The following ASXL3 variants were observed in gnomAD, a reference collection of about 807,000 sequenced individuals.
ASXL3 encodes putative Polycomb group protein ASXL3.
ASXL3 carries 34 observed loss-of-function variants against 170.6 expected under a neutral mutation model. The observed-to-expected ratio is 0.20, with a 90% CI of 0.15 to 0.27. ASXL3 has a LOEUF of 0.27. Among genes scored for constraint, ASXL3 ranks in the 10% least tolerant of loss-of-function variants. ASXL3 has a pLI of 1.00. For synonymous variants in ASXL3, 1,002 were observed against 989.1 expected, an observed-to-expected ratio of 1.01 and a Z score of -0.24; for missense variants, 2,592 against 2,695.3, an observed-to-expected ratio of 0.96 and a Z score of 0.85.
intron 6 of ASXL3, among the ~76,000 whole-genome samples, chr18:33,671,253 C>T (rs1458483780): frequency 6.6e-6 from 1 of 152,144 alleles, no homozygotes; most frequent in African/African-American, 2.4e-5. Flanking sequence ...GCAGCCCTGA[C>T]CTTGTCTTCT....
At chr18:33,723,068 T>G (rs2145376272) in intron 8 of ASXL3, among the ~76,000 whole-genome samples, 1 of 152,318 alleles carries the variant, frequency 6.6e-6, no homozygotes, top group East Asian at 1.9e-4. Context: ...AAAATATTAC[T>G]GCTCATTGAC....
intron 2 of ASXL3, among the ~76,000 whole-genome samples, chr18:33,627,848 TTCTTGGTTATTTATTTATATAATA>T (rs2145165643): frequency 6.6e-6 from 1 of 152,294 alleles, no homozygotes; most frequent in South Asian, 2.1e-4. Context: ...GTGGTGCTTG[TTCTTGGTTATTTATTTATATAATA>T]TGATTTCAGT....
rs1212155745 is a variant in ASXL3, at chr18:33,743,019, C to T, written c.3171C>T (p.Ile1057=). The T allele has an allele frequency of 6.2e-7, 1 of 1,613,774 alleles. No homozygotes were observed. Among genetic ancestry groups the T allele is most frequent in the African/African-American group, 1.3e-5 (1 of 74,902 alleles). The change falls in exon 12 of 12, where the codon ATC becomes ATT. Residue 1057 remains isoleucine (I), a synonymous_variant. Coordinates refer to ENST00000269197, the MANE Select transcript of ASXL3 (RefSeq NM_030632.3). The stretch of plus-strand genomic sequence containing the variant: ...CAGGAGCCAGGACCCTCGCAGATAT[C>T]AAGGCCCGGGCCCAACAAGCTCGGG... ...RNTGARTLAD[I]KARAQQARAQ...
intron 7 of ASXL3, among the ~76,000 whole-genome samples, chr18:33,672,699 C>A (rs1186333720): frequency 6.6e-6 from 1 of 152,164 alleles, no homozygotes; most frequent in Non-Finnish European, 1.5e-5. Context: ...ACTTTATTAC[C>A]TGTTCTGCCA....
Position 33,718,908 on chromosome 18 carries a change from A to G in ASXL3, c.880-13060A>G, listed in dbSNP as rs188147261. Reference sequence around the variant, plus strand: ...GTGACTCATCAGGGGCTCCTAGAGTATGTCTGCTACACCTCCTACCAAATA... The same window carrying G: ...GTGACTCATCAGGGGCTCCTAGAGTGTGTCTGCTACACCTCCTACCAAATA... On this transcript the variant is annotated intron_variant, in intron 8 of 11. Coordinates refer to ENST00000269197, the MANE Select transcript of ASXL3 (RefSeq NM_030632.3). 7.0e-4 allele frequency among the ~76,000 whole-genome samples: 106 copies of G among 152,156 alleles called. No homozygotes were observed. In the East Asian group the frequency reaches 0.013, roughly 18 times the overall value.
At chr18:33,622,336 A>G (rs1327245561) in intron 2 of ASXL3, among the ~76,000 whole-genome samples, 1 of 152,200 alleles carries the variant, frequency 6.6e-6, no homozygotes, top group Non-Finnish European at 1.5e-5. Flanking sequence ...GACTAAAATT[A>G]AAACATGCAT....
intron 8 of ASXL3, among the ~76,000 whole-genome samples, chr18:33,690,813 G>A (rs1176328042): frequency 6.6e-6 from 1 of 152,162 alleles, no homozygotes; most frequent in African/African-American, 2.4e-5. Context: ...CACACAGGCT[G>A]TGACTCTTGA....
intron 4 of ASXL3, among the ~76,000 whole-genome samples, chr18:33,658,833 G>T (rs1319745061): frequency 6.6e-6 from 1 of 151,900 alleles, no homozygotes; most frequent in Admixed American, 6.6e-5. Context: ...AATAAAGTTG[G>T]GTTAAGGAAA....
Position 33,743,449 on chromosome 18 carries a change from C to A in ASXL3, c.3601C>A (p.His1201Asn), listed in dbSNP as rs564876274. The A allele has an allele frequency of 1.5e-5, 25 of 1,613,508 alleles. 1 individual carries two copies. The highest frequency in any genetic ancestry group is 1.2e-4 in the African/African-American group (9 of 75,044). The part of the protein sequence containing the change: ...LPETATDLSV[H>N]SSDENIPVSH... ...AGAAACTGCCACTGACTTATCTGTG[C>A]ATAGTTCTGATGAAAACATACCTGT... Residue 1201 changes from histidine (H) to asparagine (N), a missense_variant, in exon 12 of 12, where the codon CAT becomes AAT. By Grantham distance (68) the His-to-Asn change is moderately conservative (BLOSUM62 1). Around this residue, in one of 4 missense-constraint regions of ASXL3, gnomAD observed 2,246 missense variants for 2,219.6 expected, o/e 1.01. Transcript: ENST00000269197.
chr18:33,677,656 C>T (rs2066449482), intron 7 of ASXL3, among the ~76,000 whole-genome samples: 1 of 152,084 alleles, frequency 6.6e-6, no homozygotes, highest in Admixed American at 6.5e-5. Context: ...TTTTGAATAT[C>T]GAAGTTGATA....
intron 5 of ASXL3, among the ~76,000 whole-genome samples, chr18:33,667,614 G>A (rs1024510447): frequency 1.3e-5 from 2 of 151,686 alleles, no homozygotes; most frequent in Non-Finnish European, 2.9e-5. Context: ...CAATTTTCAC[G>A]CAACCACTTT....
chr18:33,684,391 T>C (rs905589035), intron 8 of ASXL3, among the ~76,000 whole-genome samples: 2 of 152,178 alleles, frequency 1.3e-5, no homozygotes, highest in Non-Finnish European at 2.9e-5. Flanking sequence ...ACAAAATTCA[T>C]TCAATATTTC....
chr18:33,734,959 G>T lies in ASXL3; in HGVS notation c.1082+544G>T, dbSNP rs190035854. On this transcript the variant is annotated intron_variant, in intron 10 of 11. Transcript: ENST00000269197. ...GTGACATGAGCGTTTACATCATAGC[G>T]TGGTAGCAAATGAACTAACCCTGAA... 1.5e-3 allele frequency among the ~76,000 whole-genome samples: 229 copies of T among 152,170 alleles called. 2 individuals are homozygous for T. The highest frequency in any genetic ancestry group is 5.2e-3 in the African/African-American group (218 of 41,536).
intron 8 of ASXL3, among the ~76,000 whole-genome samples, chr18:33,721,411 T>C (rs1053366666): frequency 1.3e-5 from 2 of 152,080 alleles, no homozygotes; most frequent in Non-Finnish European, 2.9e-5. Context: ...TATGTATGTA[T>C]ATAGATAATT....
intron 8 of ASXL3, among the ~76,000 whole-genome samples, chr18:33,725,565 C>T (rs940454346): frequency 7.9e-5 from 12 of 152,194 alleles, no homozygotes; most frequent in South Asian, 2.1e-4. Context: ...TCATCTATAC[C>T]CATGTTTCCA....
At chr18:33,678,940 C>T (rs892306937) in intron 7 of ASXL3, among the ~76,000 whole-genome samples, 2 of 152,128 alleles carry the variant, frequency 1.3e-5, no homozygotes, top group African/African-American at 4.8e-5. Context: ...CTTCTTTTGA[C>T]TTTGTCATAA....
chr18:33,721,120 G>C (rs2067250570), intron 8 of ASXL3, among the ~76,000 whole-genome samples: 1 of 151,946 alleles, frequency 6.6e-6, no homozygotes, highest in South Asian at 2.1e-4. Context: ...CTTAGAATAA[G>C]AGAATTGTTT....
chr18:33,594,670 G>A (rs993163957), intron 1 of ASXL3, among the ~76,000 whole-genome samples: 1 of 152,072 alleles, frequency 6.6e-6, no homozygotes, highest in Admixed American at 6.6e-5. Context: ...GAAAACTGGG[G>A]TAATATTAAG....
At chr18:33,601,197 A>G (rs936553132) in intron 1 of ASXL3, among the ~76,000 whole-genome samples, 7 of 151,936 alleles carry the variant, frequency 4.6e-5, no homozygotes, top group African/African-American at 9.7e-5. Flanking sequence ...TTTAATTCCT[A>G]TGATTTTCTG....
Sources: allele counts gnomAD v4.1 joint callset (sites outside exome capture counted in the v4.1 genomes callset), GRCh38; gene constraint gnomAD v4.1.1; regional missense constraint gnomAD v4.1.1; transcripts MANE v1.5; gene names NCBI Gene and HGNC (gene_info 2026-07-23, HGNC 2026-07-21).